The following FADS6 variants were observed in gnomAD, a reference collection of about 807,000 sequenced individuals.
FADS6 encodes fatty acid desaturase 6, also known as fatty acid desaturase domain family, member 6.
In FADS6, 28 loss-of-function variants were observed where a neutral mutation model predicts 31.7. That is an observed-to-expected ratio of 0.88 (90% confidence interval 0.66 to 1.21). The LOEUF is 1.21. Ranked by LOEUF, FADS6 falls within the 50% of genes most tolerant of loss-of-function variation. The pLI, the probability that FADS6 is intolerant of heterozygous loss-of-function variation, is 0.00. For missense variants in FADS6, 494 were observed against 504.2 expected, an observed-to-expected ratio of 0.98 and a Z score of 0.19; for synonymous variants, 191 against 213.1, an observed-to-expected ratio of 0.90 and a Z score of 0.90.
chr17:74,884,406 T>A (rs547531337), intron 2 of FADS6, among the ~76,000 whole-genome samples: 99 of 152,172 alleles, frequency 6.5e-4, no homozygotes, highest in African/African-American at 2.3e-3. Context: ...GATATACTTA[T>A]ACAAAAATAT....
At chr17:74,885,072 C>T (rs1277211760) in intron 2 of FADS6, among the ~76,000 whole-genome samples, 2 of 152,044 alleles carry the variant, frequency 1.3e-5, no homozygotes, top group African/African-American at 4.8e-5. Context: ...GGGGATACTG[C>T]CAAACCATTC....
intron 4 of FADS6, among the ~76,000 whole-genome samples, chr17:74,879,995 CTCAGGAACTCAGAGG>C (rs2038550722): frequency 6.6e-6 from 1 of 152,214 alleles, no homozygotes; most frequent in Non-Finnish European, 1.5e-5. Context: ...CTGCCAGGTG[CTCAGGAACTCAGAGG>C]TCAGGAACTC....
chr17:74,878,604 C>T (rs1461875078), intron 5 of FADS6, 127 bp from the exon 6 acceptor site: 27 of 1,187,602 alleles, frequency 2.3e-5, no homozygotes, highest in African/African-American at 1.1e-4. Context: ...CAAGATTCTC[C>T]GGAGGAGCAG....
chr17:74,878,406 G>C lies in FADS6; in HGVS notation c.1032C>G (p.Arg344=), dbSNP rs370074471. ...CATAGCGACGGAGAAACAGCTGGAA[G>C]CGAGCCAGGTATGAGTCCTCGTTGT... ...LPYNEDSYLA[R]FQLFLRRYEE... The change falls in exon 6 of 6, where the codon CGC becomes CGG. Residue 344 remains arginine, a synonymous_variant. Coordinates refer to ENST00000612771, the MANE Select transcript of FADS6 (RefSeq NM_178128.6). 6 of 1,614,050 alleles carry C rather than the reference G, an allele frequency of 3.7e-6. No homozygotes were observed. Among genetic ancestry groups the C allele is most frequent in the Non-Finnish European group, 5.1e-6 (6 of 1,179,896 alleles).
intron 4 of FADS6, among the ~76,000 whole-genome samples, chr17:74,880,830 A>G (rs1240618407): frequency 6.6e-6 from 1 of 152,224 alleles, no homozygotes; most frequent in African/African-American, 2.4e-5. Flanking sequence ...TGGCAGAGGA[A>G]GCACTTGACA....
chr17:74,881,254 C>T lies in FADS6; in HGVS notation c.594G>A (p.Glu198=). ...LPIATPLVAV[E]RLRKVELGTA... The stretch of plus-strand genomic sequence containing the variant: ...TCCCGAGCTCCACCTTCCTCAGCCG[C>T]TCTGCCATAGAGGGAGGGGACAGGC... The change falls in exon 4 of 6, where the codon GAG becomes GAA. Residue 198 remains glutamate, a splice_region_variant and synonymous_variant. Coordinates refer to ENST00000612771, the MANE Select transcript of FADS6 (RefSeq NM_178128.6). The T allele has an allele frequency of 6.3e-7, 1 of 1,592,230 alleles. No homozygotes were observed. The highest frequency in any genetic ancestry group is 8.5e-7 in the Non-Finnish European group (1 of 1,169,934).
At position 74,883,335 on chromosome 17, in the gene FADS6, G is replaced by A. The variant is rs542946338; in HGVS notation, c.412-625C>T. On this transcript the variant is annotated intron_variant, in intron 2 of 5. Transcript: ENST00000612771. ...GCTCTGACTCCTAGGAGAGTAGTCA[G>A]TCTGGAATGCAAAAGCCACGCTAAG... 1.7e-4 allele frequency among the ~76,000 whole-genome samples: 26 copies of A among 152,364 alleles called. 1 individual carries two copies. In the South Asian group the frequency reaches 5.4e-3, roughly 32 times the overall value.
chr17:74,880,904 T>A (rs1339625158), intron 4 of FADS6, among the ~76,000 whole-genome samples, 164 bp downstream of exon 4: 1 of 152,008 alleles, frequency 6.6e-6, no homozygotes, highest in Non-Finnish European at 1.5e-5. Context: ...GCAGGCAGGG[T>A]CTCTCCAGGA....
intron 1 of FADS6, 135 bp downstream of exon 1, chr17:74,893,217 G>T: frequency 9.6e-7 from 1 of 1,038,430 alleles, no homozygotes; most frequent in Non-Finnish European, 1.3e-6. Context: ...GACCACCTCC[G>T]CCTCCCTGCC....
In FADS6 at chr17:74,893,392, G is replaced by T; in HGVS notation, c.204C>A (p.Asp68Glu). Residue 68 changes from aspartate (D) to glutamate (E), a missense_variant, in exon 1 of 6, where the codon GAC (aspartate) becomes GAA (glutamate). Asp to Glu is a conservative substitution (Grantham distance 45). Transcript: ENST00000612771. ...TSSWWERHGV[D>E]CAILALSLFA... is the part of the protein sequence containing the mutation. ...AGAGGCTGAGCGCGAGGATGGCGCA[G>T]TCCACGCCGTGGCGCTCCCACCAGG... The T allele has an allele frequency of 1.3e-6, 2 of 1,539,424 alleles. No individual in the cohort carries two copies. The highest frequency in any genetic ancestry group is 1.7e-6 in the Non-Finnish European group (2 of 1,144,654).
At chr17:74,884,442 A>G (rs1018288586) in intron 2 of FADS6, among the ~76,000 whole-genome samples, 7 of 152,298 alleles carry the variant, frequency 4.6e-5, no homozygotes, top group African/African-American at 9.6e-5. Flanking sequence ...CAAATTCATC[A>G]ATGTGTGTTA....
Position 74,893,516 on chromosome 17 carries a change from G to A in FADS6, c.80C>T (p.Pro27Leu). 1.3e-6 allele frequency: 2 copies of A among 1,565,992 alleles called. No homozygotes were observed. Among genetic ancestry groups the A allele is most frequent in the Non-Finnish European group, 1.7e-6 (2 of 1,158,928 alleles). Residue 27 changes from proline to leucine, a missense_variant, in exon 1 of 6, where the codon CCT (proline) becomes CTT (leucine). Pro to Leu is a moderately conservative substitution (Grantham distance 98). This residue lies in a region of FADS6 where 40 missense variants were observed against 65.7 expected (regional missense o/e 0.61). Coordinates refer to ENST00000612771, the MANE Select transcript of FADS6 (RefSeq NM_178128.6). ...EPMEPTEPME[P>L]TEPMEPARSA... ...CCGCGCCGGTTCCATGGGCTCCGTA[G>A]GTTCCATGGGCTCCGTAGGTTCCAT... is the stretch of plus-strand genomic sequence containing the variant.
chr17:74,881,221 C>T lies in FADS6; in HGVS notation c.627G>A (p.Leu209=), dbSNP rs1459004126. Residue 209 remains leucine, a synonymous_variant, in exon 4 of 6, where the codon CTG becomes CTA. Coordinates refer to ENST00000612771, the MANE Select transcript of FADS6 (RefSeq NM_178128.6). ...CCAGAGAAATCAGGGCCAGCGTCCG[C>T]AGGGCTGTCCCGAGCTCCACCTTCC... ...RLRKVELGTA[L]RTLALISLGL... The T allele has an allele frequency of 6.2e-7, 1 of 1,606,964 alleles. No homozygotes were observed.
At chr17:74,879,198 C>T (rs968218748) in intron 5 of FADS6, 24 of 600,176 alleles carry the variant, frequency 4.0e-5, no homozygotes, top group Non-Finnish European at 5.6e-5. Flanking sequence ...CACCACACCC[C>T]GCTAATTTTT....
At position 74,879,428 on chromosome 17, in the gene FADS6, C is replaced by T. The variant is rs1486014097; in HGVS notation, c.936G>A (p.Arg312=). Residue 312 remains arginine (R), a synonymous_variant, in exon 5 of 6, where the codon AGG becomes AGA. Transcript: ENST00000612771. ...CCTTCAGGCACATGTTATCAGAGAG[C>T]CTGGGGAATAGATGGTGTTCCACAT... is the stretch of plus-strand genomic sequence containing the variant. ...SCHVEHHLFP[R]LSDNMCLKVK... is the part of the protein sequence containing the mutation. The T allele has an allele frequency of 1.9e-6, 3 of 1,613,790 alleles. No homozygotes were observed. Among genetic ancestry groups the T allele is most frequent in the Non-Finnish European group, 2.5e-6 (3 of 1,179,858 alleles).
intron 2 of FADS6, among the ~76,000 whole-genome samples, chr17:74,890,369 T>C (rs2038676607): frequency 1.3e-5 from 2 of 152,174 alleles, no homozygotes; most frequent in African/African-American, 4.8e-5. Flanking sequence ...CACTTGGAAC[T>C]GGACCCTCCC....
At chr17:74,890,875 C>G (rs908508612) in intron 2 of FADS6, among the ~76,000 whole-genome samples, 2 of 152,180 alleles carry the variant, frequency 1.3e-5, no homozygotes, top group South Asian at 4.1e-4. Context: ...GGGTGTAACA[C>G]TTTGGTGGGT....
chr17:74,878,161 C>A lies in FADS6; in HGVS notation c.*170G>T. 7.0e-7 allele frequency: 1 copy of A among 1,424,504 alleles called. No individual in the cohort carries two copies. The highest frequency in any genetic ancestry group is 9.1e-7 in the Non-Finnish European group (1 of 1,094,788). The allele number at this position is 1,424,504 out of a possible 1,614,324, so 88.2% of individuals were successfully genotyped here. The stretch of plus-strand genomic sequence containing the variant: ...TCAAAACCCAGAAAAGCACGCAAGG[C>A]AGGTGGCCCCCAGACCCCAGGCCTG... On this transcript the variant is annotated 3_prime_UTR_variant, in exon 6 of 6. Transcript: ENST00000612771.
At chr17:74,888,887 G>A (rs2038659626) in intron 2 of FADS6, among the ~76,000 whole-genome samples, 1 of 152,200 alleles carries the variant, frequency 6.6e-6, no homozygotes, top group Admixed American at 6.5e-5. Flanking sequence ...ATGGTACAGT[G>A]CCCTTCATTG....
Sources: gnomAD v4.1 joint callset for allele counts (sites outside exome capture counted in the v4.1 genomes callset) on GRCh38, gnomAD v4.1.1 for gene constraint, gnomAD v4.1.1 regional missense constraint, MANE v1.5 for transcripts, NCBI Gene and HGNC (gene_info 2026-07-23, HGNC 2026-07-21) for gene names.